Variants in TXNDC11 observed in about 807,000 individuals in gnomAD.
The protein encoded by TXNDC11 is thioredoxin domain-containing protein 11.
In TXNDC11, 68 loss-of-function variants were observed where a neutral mutation model predicts 78.0. The observed-to-expected ratio is 0.87, with a 90% CI of 0.72 to 1.07. The LOEUF (loss-of-function observed/expected upper bound fraction) is 1.07, where lower values mean the gene tolerates loss of function less well. TXNDC11 is among the 50% of genes least tolerant of loss of function. The probability of loss-of-function intolerance (pLI) is 0.00; values close to 1 mark genes in which losing one functional copy is unlikely to be tolerated. For missense variants in TXNDC11, 1,389 were observed against 1,221.8 expected (o/e 1.14, Z -2.04); for synonymous variants, 571 against 495.2 (o/e 1.15, Z -2.03).
chr16:11,732,304 A>G (rs765654474), intron 3 of TXNDC11, among the ~76,000 whole-genome samples: 2 of 152,146 alleles, frequency 1.3e-5, no homozygotes, highest in Non-Finnish European at 1.5e-5. Flanking sequence ...TTAATGTCAC[A>G]TCACGTTATG....
chr16:11,736,466 G>A (rs937963949), intron 1 of TXNDC11, among the ~76,000 whole-genome samples: 2 of 152,144 alleles, frequency 1.3e-5, no homozygotes, highest in Non-Finnish European at 2.9e-5. Context: ...AAGGGCAGTG[G>A]AGAGCAGAGA....
At chr16:11,681,016 A>T (rs1047692157) in intron 11 of TXNDC11, among the ~76,000 whole-genome samples, 5 of 151,120 alleles carry the variant, frequency 3.3e-5, no homozygotes, top group African/African-American at 1.2e-4. Flanking sequence ...AAAGTAAGAT[A>T]AAAAAATTAG....
chr16:11,739,922 G>C (rs760603841), intron 1 of TXNDC11, among the ~76,000 whole-genome samples: 3 of 151,898 alleles, frequency 2.0e-5, no homozygotes, highest in African/African-American at 7.3e-5. Context: ...GGCCAGGCGC[G>C]GTGGCTCACA....
In TXNDC11 at chr16:11,691,944, G is replaced by A. The variant is rs748428736; in HGVS notation, c.1246C>T (p.Pro416Ser). The change falls in exon 8 of 12, where the codon CCA becomes TCA. Residue 416 changes from proline to serine, a missense_variant. Coordinates refer to ENST00000283033, the MANE Select transcript of TXNDC11 (RefSeq NM_015914.7). ...LEVPAQLPDPPTITASPCCNT... is the reference protein window; with the variant it reads ...LEVPAQLPDPSTITASPCCNT... Reference sequence around the variant, plus strand: ...CAGCAGGGGGACGCTGTGATCGTTGGCGGGTCTGGCAGCTGTGCCGGCACT... The same window carrying A: ...CAGCAGGGGGACGCTGTGATCGTTGACGGGTCTGGCAGCTGTGCCGGCACT... 2.7e-5 allele frequency: 43 copies of A among 1,611,666 alleles called. No homozygotes were observed. The South Asian group carries it at 4.5e-4, about 17-fold the overall frequency.
intron 4 of TXNDC11, among the ~76,000 whole-genome samples, chr16:11,728,132 T>C (rs1023221325): frequency 6.6e-6 from 1 of 152,218 alleles, no homozygotes; most frequent in African/African-American, 2.4e-5. Context: ...CAAAAATTCC[T>C]TAACTTTCCT....
rs115532511 is a variant in TXNDC11, at chr16:11,708,026, G to T, written c.794-7462C>A. ...TTGAGCCCAGGAGGTCAAGGCCGCAGTGAGCTATAATTGCACCACTGCACT... is the reference window on the plus strand; with the variant it reads ...TTGAGCCCAGGAGGTCAAGGCCGCATTGAGCTATAATTGCACCACTGCACT... On this transcript the variant is annotated intron_variant, in intron 5 of 11. Transcript: ENST00000283033. 2.0e-3 allele frequency among the ~76,000 whole-genome samples: 309 copies of T among 152,254 alleles called. 3 individuals carry two copies. The highest frequency in any genetic ancestry group is 6.9e-3 in the African/African-American group (288 of 41,558).
At chr16:11,739,796 A>G (rs11644466) in intron 1 of TXNDC11, among the ~76,000 whole-genome samples, 47,550 of 151,910 alleles carry the variant, frequency 0.31, 9,247 homozygotes, top group Non-Finnish European at 0.44. Flanking sequence ...ACCTCAAATC[A>G]ACCTTTTCCA....
At chr16:11,684,336 G>A in intron 10 of TXNDC11, 91 bp from the exon 11 acceptor site, 1 of 955,366 alleles carries the variant, frequency 1.0e-6, no homozygotes, top group Non-Finnish European at 1.6e-6. Context: ...AGAACCTGGT[G>A]CATTTTTTAC....
intron 3 of TXNDC11, among the ~76,000 whole-genome samples, chr16:11,732,001 C>G (rs1333783182): frequency 6.6e-6 from 1 of 152,162 alleles, no homozygotes; most frequent in African/African-American, 2.4e-5. Flanking sequence ...CTCAACCACT[C>G]AGGCCAAGAG....
intron 5 of TXNDC11, among the ~76,000 whole-genome samples, chr16:11,712,949 C>CAT (rs1260149771): frequency 6.6e-6 from 1 of 151,078 alleles, no homozygotes; most frequent in African/African-American, 2.4e-5. Context: ...CACACACACA[C>CAT]ACACACACAG....
chr16:11,738,296 T>C (rs1356735092), intron 1 of TXNDC11, among the ~76,000 whole-genome samples: 1 of 152,232 alleles, frequency 6.6e-6, no homozygotes, highest in Non-Finnish European at 1.5e-5. Flanking sequence ...TAACCTTCAA[T>C]CAGAGAGCTT....
chr16:11,712,877 C>T (rs1006197380), intron 5 of TXNDC11, among the ~76,000 whole-genome samples: 4 of 151,032 alleles, frequency 2.6e-5, no homozygotes, highest in African/African-American at 7.3e-5. Context: ...CACCTGAGGT[C>T]GGGAGTTCAA....
intron 3 of TXNDC11, among the ~76,000 whole-genome samples, chr16:11,733,162 CAGG>C (rs1246915740): frequency 2.6e-5 from 4 of 152,110 alleles, no homozygotes; most frequent in African/African-American, 9.7e-5. Flanking sequence ...GAGGCTGAGG[CAGG>C]AGAACGGCTT....
At position 11,692,038 on chromosome 16, in the gene TXNDC11, C is replaced by T. The variant is rs2050736498; in HGVS notation, c.1152G>A (p.Gln384=). 6.5e-7 allele frequency: 1 copy of T among 1,546,808 alleles called. No homozygotes were observed. Among genetic ancestry groups the T allele is most frequent in the African/African-American group, 1.4e-5 (1 of 72,970 alleles). The change falls in exon 8 of 12, where the codon CAG becomes CAA. Residue 384 remains glutamine (Q), a synonymous_variant. Transcript: ENST00000283033. Reference sequence around the variant, plus strand: ...GGTGCTGAAGGAGACGCTCCACCACCTGGTCCCCATGACAGTTGTTGTACT... The same window carrying T: ...GGTGCTGAAGGAGACGCTCCACCACTTGGTCCCCATGACAGTTGTTGTACT... ...ALEYNNCHGD[Q]VVERLLQHLR... is the part of the protein sequence containing the mutation.
In TXNDC11 at chr16:11,700,394, G is replaced by T; in HGVS notation, c.906+58C>A. ...TTAACCAATTCTCAAAGGAGTCTGT[G>T]ACCTAAACAAGGTTAAGAACCACTG... is the stretch of plus-strand genomic sequence containing the variant. On this transcript the variant is annotated intron_variant, in intron 6 of 11. Coordinates refer to ENST00000283033, the MANE Select transcript of TXNDC11 (RefSeq NM_015914.7). 3.9e-6 allele frequency: 3 copies of T among 778,710 alleles called. No individual in the cohort carries two copies. The South Asian group carries it at 5.4e-5, about 14-fold the overall frequency. The allele number at this position is 778,710 out of a possible 1,614,324, so 48.2% of individuals were successfully genotyped here.
chr16:11,680,027 G>A (rs1044368130), intron 11 of TXNDC11, among the ~76,000 whole-genome samples, 190 bp from the exon 12 acceptor site: 5 of 152,230 alleles, frequency 3.3e-5, no homozygotes, highest in African/African-American at 1.2e-4. Flanking sequence ...TGTCCCATAT[G>A]CTCGTTCTGT....
Position 11,734,137 on chromosome 16 carries a change from G to C in TXNDC11, c.472-58C>G, listed in dbSNP as rs548888577. ...TGAATAACAACTGAAAAGTTACCAAGATTTAAAAGATGAAATTTAAAAATA... is the reference window on the plus strand; with the variant it reads ...TGAATAACAACTGAAAAGTTACCAACATTTAAAAGATGAAATTTAAAAATA... On this transcript the variant is annotated intron_variant, in intron 2 of 11. Transcript: ENST00000283033. 4 of 1,089,516 alleles carry C rather than the reference G, an allele frequency of 3.7e-6. No homozygotes were observed. The South Asian group carries it at 5.6e-5, about 15-fold the overall frequency. 67.5% of individuals were successfully genotyped at this position (1,089,516 alleles called of 1,614,324 possible).
chr16:11,698,940 G>C lies in TXNDC11; in HGVS notation c.907-615C>G, dbSNP rs2050934214. Among the ~76,000 whole-genome samples the C allele has an allele frequency of 1.3e-5, 2 of 152,190 alleles. 1 individual carries two copies. Among genetic ancestry groups the C allele is most frequent in the South Asian group, 4.1e-4 (2 of 4,830 alleles). On this transcript the variant is annotated intron_variant, in intron 6 of 11. Transcript: ENST00000283033. ...ATTTTACGTGTACGAATAAATGAAA[G>C]AGACACCTAGATTTTTTGCTTTGTT...
intron 7 of TXNDC11, among the ~76,000 whole-genome samples, chr16:11,696,060 G>A (rs189888656): frequency 1.3e-5 from 2 of 151,478 alleles, no homozygotes; most frequent in East Asian, 3.9e-4. Flanking sequence ...AGACTTGGAT[G>A]ACTATGGTTA....
Sources: allele counts gnomAD v4.1 joint callset (sites outside exome capture counted in the v4.1 genomes callset), GRCh38; gene constraint gnomAD v4.1.1; transcripts MANE v1.5; gene names NCBI Gene and HGNC (gene_info 2026-07-23, HGNC 2026-07-21).